The following SPEF2 variants were observed in gnomAD, a reference collection of about 807,000 sequenced individuals.
SPEF2 encodes the protein sperm flagella and cilia-associated protein 2.
SPEF2 carries 187 observed loss-of-function variants against 224.6 expected under a neutral mutation model. The observed-to-expected ratio is 0.83, with a 90% confidence interval of 0.74 to 0.94. The LOEUF (loss-of-function observed/expected upper bound fraction) is 0.94. Ranked by LOEUF, SPEF2 falls within the 40% of genes least tolerant of loss-of-function variation. The probability of loss-of-function intolerance (pLI) is 0.00; values close to 1 mark genes in which losing one functional copy is unlikely to be tolerated. For missense variants in SPEF2, 2,170 were observed against 2,135.6 expected, an observed-to-expected ratio of 1.02 and a Z score of -0.32; for synonymous variants, 715 against 707.3, an observed-to-expected ratio of 1.01 and a Z score of -0.17.
chr5:35,778,476 C>T (rs912353685), intron 29 of SPEF2, among the ~76,000 whole-genome samples: 5 of 152,112 alleles, frequency 3.3e-5, no homozygotes, highest in African/African-American at 7.2e-5. Context: ...CTCTTTCTAC[C>T]GCATCATAGT....
intron 21 of SPEF2, among the ~76,000 whole-genome samples, chr5:35,729,903 T>C (rs929091829): frequency 6.6e-6 from 1 of 152,184 alleles, no homozygotes; most frequent in African/African-American, 2.4e-5. Context: ...TTTCACCTCA[T>C]ACCATGATTC....
At chr5:35,794,165 A>G (rs935638071) in intron 32 of SPEF2, among the ~76,000 whole-genome samples, 3 of 152,254 alleles carry the variant, frequency 2.0e-5, no homozygotes, top group African/African-American at 7.2e-5. Context: ...TCTGAGTAAG[A>G]CAAGAGTAAA....
chr5:35,714,887 G>A (rs1340196645), intron 20 of SPEF2, among the ~76,000 whole-genome samples: 1 of 151,596 alleles, frequency 6.6e-6, no homozygotes, highest in Non-Finnish European at 1.5e-5. Flanking sequence ...CATAACGTTT[G>A]ATTATGAAAC....
intron 2 of SPEF2, among the ~76,000 whole-genome samples, chr5:35,632,416 C>T (rs1157305404): frequency 6.6e-6 from 1 of 152,162 alleles, no homozygotes; most frequent in Admixed American, 6.5e-5. Flanking sequence ...TGAGAACTCA[C>T]TCACTATCAC....
chr5:35,795,384 C>T (rs1194997882), intron 32 of SPEF2, among the ~76,000 whole-genome samples: 3 of 152,270 alleles, frequency 2.0e-5, no homozygotes, highest in South Asian at 2.1e-4. Flanking sequence ...AGCCTCCAAG[C>T]GTCATCACAC....
intron 21 of SPEF2, among the ~76,000 whole-genome samples, chr5:35,736,931 AC>A (rs1746711534): frequency 6.8e-6 from 1 of 146,048 alleles, no homozygotes; most frequent in East Asian, 2.0e-4. Context: ...ATAAAAAAAA[AC>A]ACTGTTGCCA....
intron 8 of SPEF2, among the ~76,000 whole-genome samples, chr5:35,663,054 C>A (rs1464800511): frequency 6.6e-6 from 1 of 152,016 alleles, no homozygotes; most frequent in African/African-American, 2.4e-5. Context: ...TGGCTACTTT[C>A]TATTAAGTAT....
At chr5:35,631,329 G>T (rs889851447) in intron 2 of SPEF2, among the ~76,000 whole-genome samples, 2 of 152,192 alleles carry the variant, frequency 1.3e-5, no homozygotes, top group Non-Finnish European at 2.9e-5. Flanking sequence ...GGGAATTATG[G>T]GAGCTACAAG....
At chr5:35,708,622 T>G (rs1482284397) in intron 18 of SPEF2, among the ~76,000 whole-genome samples, 5 of 522 alleles carry the variant, frequency 9.6e-3, no homozygotes, top group East Asian at 0.077. Context: ...CACCTCTACC[T>G]CCACCACCAT....
chr5:35,715,056 C>G (rs1351911596), intron 20 of SPEF2, among the ~76,000 whole-genome samples: 1 of 151,948 alleles, frequency 6.6e-6, no homozygotes, highest in Non-Finnish European at 1.5e-5. Flanking sequence ...GCTGGGACAA[C>G]AGGCATATGC....
At chr5:35,660,781 G>A (rs925507979) in intron 8 of SPEF2, among the ~76,000 whole-genome samples, 10 of 152,108 alleles carry the variant, frequency 6.6e-5, no homozygotes, top group African/African-American at 2.4e-4. Flanking sequence ...CAGCTAAATA[G>A]CAAAGTATGT....
At chr5:35,639,144 T>A (rs1746247043) in intron 2 of SPEF2, among the ~76,000 whole-genome samples, 1 of 152,166 alleles carries the variant, frequency 6.6e-6, no homozygotes, top group Admixed American at 6.5e-5. Context: ...AGAGGGTAGA[T>A]TTCATACTCT....
At chr5:35,671,924 A>G (rs545690326) in intron 10 of SPEF2, among the ~76,000 whole-genome samples, 1 of 152,130 alleles carries the variant, frequency 6.6e-6, no homozygotes, top group African/African-American at 2.4e-5. Context: ...CTTCGACACC[A>G]TAATGGAAAA....
chr5:35,785,368 A>G (rs1213393701), intron 30 of SPEF2, among the ~76,000 whole-genome samples: 3 of 152,204 alleles, frequency 2.0e-5, no homozygotes, highest in Admixed American at 6.5e-5. Context: ...ATTTTCCTGA[A>G]GCCAGACAAC....
chr5:35,763,650 A>C lies in SPEF2; in HGVS notation c.3749A>C (p.Glu1250Ala). The part of the protein sequence containing the change: ...ENVESNFEAD[E>A]KLVMDTWQQA... ...GTTGAGTCCAACTTTGAGGCCGATG[A>C]AAAGTTGGTCATGGACACCTGGCAG... The change falls in exon 26 of 37, where the codon GAA becomes GCA. Residue 1250 changes from glutamate (E) to alanine (A), a missense_variant. By Grantham distance (107) the Glu-to-Ala change is moderately radical (BLOSUM62 -1). Coordinates refer to ENST00000356031, the MANE Select transcript of SPEF2 (RefSeq NM_024867.4). The C allele has an allele frequency of 1.2e-5, 20 of 1,613,876 alleles. No individual in the cohort carries two copies. Among genetic ancestry groups the C allele is most frequent in the Non-Finnish European group, 1.7e-5 (20 of 1,179,884 alleles).
chr5:35,734,632 C>G (rs1257009234), intron 21 of SPEF2, among the ~76,000 whole-genome samples: 1 of 151,526 alleles, frequency 6.6e-6, no homozygotes, highest in Non-Finnish European at 1.5e-5. Context: ...ATGAAGAGGC[C>G]TTTCCTGACC....
At chr5:35,807,284 G>A (rs1466292622) in intron 36 of SPEF2, 31 bp downstream of exon 36, 2 of 1,598,584 alleles carry the variant, frequency 1.3e-6, no homozygotes, top group East Asian at 2.2e-5. Flanking sequence ...CTCTAATTTG[G>A]TTGGGCTCCA....
chr5:35,671,379 C>T lies in SPEF2; in HGVS notation c.1524+1152C>T, dbSNP rs950305669. The T allele has an allele frequency of 8.3e-6, 8 of 962,236 alleles. No individual in the cohort carries two copies. The Admixed American group carries it at 2.5e-4, about 30-fold the overall frequency. 59.6% of individuals were successfully genotyped at this position (962,236 alleles called of 1,614,324 possible). ...ATTAAATGAATCTGTATTTGTAGCA[C>T]TAAGAGAATTATTATTAAGGATTGA... On this transcript the variant is annotated intron_variant, in intron 10 of 36. Coordinates refer to ENST00000356031, the MANE Select transcript of SPEF2 (RefSeq NM_024867.4).
chr5:35,780,498 A>G (rs1754180944), intron 30 of SPEF2, among the ~76,000 whole-genome samples: 1 of 152,162 alleles, frequency 6.6e-6, no homozygotes, highest in African/African-American at 2.4e-5. Context: ...GCCATTTGGC[A>G]GCATTTGGGC....
Sources: gnomAD v4.1 joint callset for allele counts (sites outside exome capture counted in the v4.1 genomes callset) on GRCh38, gnomAD v4.1.1 for gene constraint, MANE v1.5 for transcripts, NCBI Gene and HGNC (gene_info 2026-07-23, HGNC 2026-07-21) for gene names.